Variants in MLLT6 observed in about 807,000 individuals in gnomAD.
MLLT6 encodes MLLT6, PHD finger containing, also known as protein AF-17.
A neutral mutation model predicts 103.0 loss-of-function variants in MLLT6; 22 were observed. The observed-to-expected ratio is 0.21, with a 90% CI of 0.15 to 0.31. The LOEUF is 0.31. Ranked by LOEUF, MLLT6 falls within the 10% of genes least tolerant of loss-of-function variation. The pLI, the probability that MLLT6 is intolerant of heterozygous loss-of-function variation, is 1.00. For missense variants in MLLT6, 1,199 were observed against 1,441.7 expected (o/e 0.83, Z 2.73); for synonymous variants, 606 against 623.5 (o/e 0.97, Z 0.42).
At chr17:38,719,467 G>C in intron 12 of MLLT6, 50 bp from the exon 13 acceptor site, 1 of 1,509,864 alleles carries the variant, frequency 6.6e-7, no homozygotes, top group Non-Finnish European at 9.0e-7. Flanking sequence ...CGGGGACCCT[G>C]AGGCAGCTAC....
intron 19 of MLLT6, 162 bp downstream of exon 19, chr17:38,725,138 G>A (rs1354380531): frequency 3.4e-6 from 2 of 591,500 alleles, no homozygotes; most frequent in Non-Finnish European, 5.9e-6. Context: ...TTGCACATGG[G>A]TGCCCTCCTG....
rs370611684 is a variant in MLLT6 at position 38,726,371 on chromosome 17, A to ATGTGTG, written c.*799_*804dup. On this transcript the variant is annotated 3_prime_UTR_variant, in exon 20 of 20. Coordinates refer to ENST00000621332, the MANE Select transcript of MLLT6 (RefSeq NM_005937.4). ...AGTGTGTGAGTGTGTGTGTGCGTGC[A>ATGTGTG]TGTGTGTGTGTGTGTGTGTGTGTGT... 2.1e-3 allele frequency: 476 copies of ATGTGTG among 224,632 alleles called. No homozygotes were observed. Among genetic ancestry groups the ATGTGTG allele is most frequent in the African/African-American group, 8.8e-3 (378 of 43,184 alleles). The allele number at this position is 224,632 out of a possible 1,614,324, so 13.9% of individuals were successfully genotyped here. A position where few individuals can be genotyped will look rare whatever the true frequency, so the allele number is the denominator to read the frequency against.
chr17:38,717,732 C>T (rs1375931625), intron 11 of MLLT6, 113 bp from the exon 12 acceptor site: 15 of 1,384,284 alleles, frequency 1.1e-5, no homozygotes, highest in African/African-American at 5.8e-5. Flanking sequence ...GACCACCCTC[C>T]GGGCTCTGGA....
intron 14 of MLLT6, 108 bp downstream of exon 14, chr17:38,720,003 C>G: frequency 2.8e-6 from 4 of 1,409,770 alleles, no homozygotes; most frequent in Non-Finnish European, 3.7e-6. Flanking sequence ...GGCCCCGCCC[C>G]AGCCTTGACT....
chr17:38,708,103 T>C, intron 4 of MLLT6: 1 of 556,920 alleles, frequency 1.8e-6, no homozygotes. Context: ...AGGGTAGACC[T>C]TCGCAGTTAC....
Position 38,717,386 on chromosome 17 carries a change from G to A in MLLT6, c.1652-46G>A, listed in dbSNP as rs1905401511. 4.1e-6 allele frequency: 6 copies of A among 1,476,648 alleles called. No individual in the cohort carries two copies. The East Asian group carries it at 1.2e-4, about 28-fold the overall frequency. 91.5% of individuals were successfully genotyped at this position (1,476,648 alleles called of 1,614,324 possible). A position where few individuals can be genotyped will look rare whatever the true frequency, so the allele number is the denominator to read the frequency against. ...CAGCCACCTGGCTGAGCAGGAGTCT[G>A]GGGTGGAGAGTAACCACGTGCTTCC... On this transcript the variant is annotated intron_variant, in intron 10 of 19. Coordinates refer to ENST00000621332, the MANE Select transcript of MLLT6 (RefSeq NM_005937.4).
intron 12 of MLLT6, 68 bp downstream of exon 12, chr17:38,718,021 C>A: frequency 1.8e-6 from 2 of 1,113,888 alleles, no homozygotes; most frequent in Non-Finnish European, 2.7e-6. Flanking sequence ...CTGCATGTGA[C>A]CCCAGAAAGA....
chr17:38,722,939 G>A (rs1347045625), intron 18 of MLLT6, among the ~76,000 whole-genome samples, 171 bp downstream of exon 18: 1 of 152,118 alleles, frequency 6.6e-6, no homozygotes. Context: ...TGGCAGGTAA[G>A]GGGGATAAGA....
intron 19 of MLLT6, 27 bp from the exon 20 acceptor site, chr17:38,725,530 C>T (rs764608160): frequency 6.2e-7 from 1 of 1,605,268 alleles, no homozygotes; most frequent in African/African-American, 1.3e-5. Flanking sequence ...CTTTCCACAC[C>T]CCCGGCCTCC....
In MLLT6 at chr17:38,719,873, C is replaced by T; in HGVS notation, c.2133C>T (p.Gly711=). ...TGGAGCAGCTTCTGGAGAAGCAGGG[C>T]GACGGGGAGGCCGGCGTCAACAGTG... ...TNMEQLLEKQ[G]DGEAGVNIVE... The change falls in exon 14 of 20, where the codon GGC becomes GGT. Residue 711 remains glycine, a synonymous_variant. Transcript: ENST00000621332. 1 of 1,596,974 alleles carries T rather than the reference C, an allele frequency of 6.3e-7. No individual in the cohort carries two copies. Among genetic ancestry groups the T allele is most frequent in the Non-Finnish European group, 8.5e-7 (1 of 1,172,566 alleles).
At chr17:38,713,364 C>G (rs1773984753) in intron 8 of MLLT6, 1 of 354,910 alleles carries the variant, frequency 2.8e-6, no homozygotes, top group Non-Finnish European at 5.1e-6. Flanking sequence ...TAGGCAGGCC[C>G]TACCCTAGGC....
In MLLT6 at chr17:38,709,305, C is replaced by G. The variant is rs761295681; in HGVS notation, c.458+29C>G. 5 of 1,586,722 alleles carry G rather than the reference C, an allele frequency of 3.2e-6. No homozygotes were observed. Among genetic ancestry groups the G allele is most frequent in the Admixed American group, 1.7e-5 (1 of 59,934 alleles). ...AGACCCCTGTCCCACCCCCCTGCCC[C>G]CCGGGTTTGTCCTGGATGGCCACTG... On this transcript the variant is annotated intron_variant, in intron 5 of 19. Coordinates refer to ENST00000621332, the MANE Select transcript of MLLT6 (RefSeq NM_005937.4). This position sits in a 1 kb window ranked among gnomAD's most constrained non-coding sequence, Gnocchi z 4.3.
chr17:38,709,343 C>A lies in MLLT6; in HGVS notation c.458+67C>A. ...TGGATGGCCACTGATCAGGCTCATC[C>A]TAGCTGCTGTCCCTTTGATGGTGGT... On this transcript the variant is annotated intron_variant, in intron 5 of 19. Coordinates refer to ENST00000621332, the MANE Select transcript of MLLT6 (RefSeq NM_005937.4). The surrounding 1 kb of genome is among the most constrained non-coding windows in gnomAD (Gnocchi z 4.3). 1 of 1,448,584 alleles carries A rather than the reference C, an allele frequency of 6.9e-7. No homozygotes were observed. Among genetic ancestry groups the A allele is most frequent in the Non-Finnish European group, 9.7e-7 (1 of 1,029,264 alleles). The allele number at this position is 1,448,584 out of a possible 1,614,324, so 89.7% of individuals were successfully genotyped here.
In MLLT6 at chr17:38,709,152, C is replaced by CG. The variant is rs1567923294; in HGVS notation, c.355-20dup. 6.3e-7 allele frequency: 1 copy of CG among 1,595,388 alleles called. No individual in the cohort carries two copies. Among genetic ancestry groups the CG allele is most frequent in the East Asian group, 2.2e-5 (1 of 44,802 alleles). ...AACAGGGGCTCCCTGGAGGAGGGGA[C>CG]GATTGCGCTGTGTCCTGCAGACCTG... On this transcript the variant is annotated intron_variant, in intron 4 of 19. Transcript: ENST00000621332. This position sits in a 1 kb window ranked among gnomAD's most constrained non-coding sequence, Gnocchi z 4.3.
rs1020483890 is a variant in MLLT6, at chr17:38,707,648, C to T, written c.244+108C>T. Reference sequence around the variant, plus strand: ...GGCCGGGTTTCCTTTCCCTGGCTGGCGCTGGAATCTGATGGGAAGGCTGTG... The same window carrying T: ...GGCCGGGTTTCCTTTCCCTGGCTGGTGCTGGAATCTGATGGGAAGGCTGTG... On this transcript the variant is annotated intron_variant, in intron 3 of 19. Transcript: ENST00000621332. 6.5e-5 allele frequency: 86 copies of T among 1,313,218 alleles called. No homozygotes were observed. The Admixed American group carries it at 7.9e-4, about 12-fold the overall frequency. 81.3% of individuals were successfully genotyped at this position (1,313,218 alleles called of 1,614,324 possible).
In MLLT6 at chr17:38,724,655, G is replaced by A. The variant is rs779599900; in HGVS notation, c.2919G>A (p.Gln973=). Residue 973 remains glutamine, a synonymous_variant, in exon 19 of 20, where the codon CAG becomes CAA. Transcript: ENST00000621332. This position sits in a 1 kb window ranked among gnomAD's most constrained non-coding sequence, Gnocchi z 5.4. The stretch of plus-strand genomic sequence containing the variant: ...CTGTTGTCTACCAGATGATCCAGCA[G>A]ATCCAGCAGAAACGGGAGCTGCAGC... ...HQTVVYQMIQ[Q]IQQKRELQRL... 1.2e-6 allele frequency: 2 copies of A among 1,609,894 alleles called. No homozygotes were observed. Among genetic ancestry groups the A allele is most frequent in the South Asian group, 2.2e-5 (2 of 90,790 alleles).
Position 38,705,452 on chromosome 17 carries a change from A to AGGAGGAGGAGGAGGACGC in MLLT6, c.-168_-151dup. The AGGAGGAGGAGGAGGACGC allele has an allele frequency of 2.5e-6, 1 of 392,866 alleles. No individual in the cohort carries two copies. Among genetic ancestry groups the AGGAGGAGGAGGAGGACGC allele is most frequent in the Non-Finnish European group, 4.6e-6 (1 of 215,554 alleles). 24.3% of individuals were successfully genotyped at this position (392,866 alleles called of 1,614,324 possible). ...GGGCGGCCAGACAGAGCGAGCGAGG[A>AGGAGGAGGAGGAGGACGC]GGAGGAGGAGGAGGACGCGGAGGAG... On this transcript the variant is annotated 5_prime_UTR_variant, in exon 1 of 20. Transcript: ENST00000621332.
In MLLT6 at chr17:38,728,378, C is replaced by CT. The variant is rs538131316; in HGVS notation, c.*2783dup. The CT allele has an allele frequency of 1.3e-5, 3 of 233,134 alleles. No homozygotes were observed. In the East Asian group the frequency reaches 1.8e-4, roughly 14 times the overall value. The allele number at this position is 233,134 out of a possible 1,614,324, so 14.4% of individuals were successfully genotyped here. ...GGAAGGGACCCAGATTTGTAGATCT[C>CT]TTTGTCTGGGGGAGGGGAAGGATGT... On this transcript the variant is annotated 3_prime_UTR_variant, in exon 20 of 20. Coordinates refer to ENST00000621332, the MANE Select transcript of MLLT6 (RefSeq NM_005937.4).
rs1397118015 is a variant in MLLT6 at position 38,725,145 on chromosome 17, C to T, written c.3240+169C>T. ...GCCTCTGCTTGCACATGGGTGCCCT[C>T]CTGCACGGCCAAGAAAGATCCGATC... On this transcript the variant is annotated intron_variant, in intron 19 of 19. Transcript: ENST00000621332. The T allele has an allele frequency of 1.0e-5, 6 of 579,480 alleles. No individual in the cohort carries two copies. The African/African-American group carries it at 1.1e-4, about 11-fold the overall frequency. The allele number at this position is 579,480 out of a possible 1,614,324, so 35.9% of individuals were successfully genotyped here. A position where few individuals can be genotyped will look rare whatever the true frequency, so the allele number is the denominator to read the frequency against.
Sources: allele counts gnomAD v4.1 joint callset (sites outside exome capture counted in the v4.1 genomes callset), GRCh38; gene constraint gnomAD v4.1.1; non-coding constraint Gnocchi (gnomAD v3.1); transcripts MANE v1.5; gene names NCBI Gene and HGNC (gene_info 2026-07-23, HGNC 2026-07-21).